The following ADCY8 variants were observed in gnomAD, a reference collection of about 807,000 sequenced individuals.
The protein encoded by ADCY8 is adenylate cyclase 8, also known as adenylate cyclase type 8.
Under a neutral mutation model 119.7 loss-of-function variants are expected in ADCY8, and 51 were observed. The ratio of observed to expected loss-of-function variants is 0.43; its 90% CI spans 0.34 to 0.54. The LOEUF (loss-of-function observed/expected upper bound fraction) is 0.54, where lower values mean the gene tolerates loss of function less well. Ranked by LOEUF, ADCY8 falls within the 20% of genes least tolerant of loss-of-function variation. ADCY8 has a pLI of 0.03. For synonymous variants in ADCY8, 665 were observed against 651.0 expected, an observed-to-expected ratio of 1.02 and a Z score of -0.33; for missense variants, 1,383 against 1,598.8, an observed-to-expected ratio of 0.87 and a Z score of 2.30.
At chr8:131,012,307 C>G (rs1329380369) in intron 1 of ADCY8, among the ~76,000 whole-genome samples, 1 of 152,174 alleles carries the variant, frequency 6.6e-6, no homozygotes, top group Non-Finnish European at 1.5e-5. Context: ...TGGGTCACAC[C>G]ACCAGGTAAA....
chr8:130,974,389 T>C (rs889613592), intron 2 of ADCY8, among the ~76,000 whole-genome samples: 1 of 152,186 alleles, frequency 6.6e-6, no homozygotes, highest in Non-Finnish European at 1.5e-5. Flanking sequence ...AGCCAAGACC[T>C]CCACATCTCT....
intron 1 of ADCY8, among the ~76,000 whole-genome samples, chr8:131,002,423 G>C (rs893758904): frequency 6.6e-6 from 1 of 152,190 alleles, no homozygotes; most frequent in Non-Finnish European, 1.5e-5. Flanking sequence ...AGGGATAAAA[G>C]AGGAAGAAAA....
chr8:130,780,652 AT>A lies in ADCY8; in HGVS notation c.3493del (p.Ile1165SerfsTer105). 6.2e-7 allele frequency: 1 copy of A among 1,614,058 alleles called. No homozygotes were observed. The highest frequency in any genetic ancestry group is 8.5e-7 in the Non-Finnish European group (1 of 1,180,004). On this transcript the variant is annotated frameshift_variant, in exon 18 of 18. Coordinates refer to ENST00000286355, the MANE Select transcript of ADCY8 (RefSeq NM_001115.3). LOFTEE classifies it high-confidence loss of function. The stretch of plus-strand genomic sequence containing the variant: ...TCTTCCCAGAAGAAAGTACGTTTTG[AT>A]TTTTCCTTCCTGTTCACTGATACCC... ...VKGISEQEGK[I>X]KTYFLLGRVQ... is the part of the protein sequence containing the mutation.
chr8:130,808,864 G>C (rs1816068027), intron 14 of ADCY8, among the ~76,000 whole-genome samples: 1 of 150,532 alleles, frequency 6.6e-6, no homozygotes, highest in Non-Finnish European at 1.5e-5. Context: ...CCAGCACCTG[G>C]GACAGCTGCC....
intron 14 of ADCY8, among the ~76,000 whole-genome samples, chr8:130,802,158 A>G (rs917860475): frequency 2.6e-5 from 4 of 152,126 alleles, no homozygotes; most frequent in African/African-American, 9.7e-5. Flanking sequence ...TCTTCTCTCC[A>G]ACTAAGCCTG....
chr8:130,904,778 C>T (rs920413379), intron 6 of ADCY8, among the ~76,000 whole-genome samples: 1 of 152,194 alleles, frequency 6.6e-6, no homozygotes, highest in Non-Finnish European at 1.5e-5. Flanking sequence ...AGCAAAATAA[C>T]ATATGACATC....
chr8:130,845,243 G>A (rs1817261480), intron 11 of ADCY8, among the ~76,000 whole-genome samples: 1 of 152,132 alleles, frequency 6.6e-6, no homozygotes, highest in Non-Finnish European at 1.5e-5. Context: ...GGGTTCAGGT[G>A]TTAGGTCAAG....
rs376396950 is a variant in ADCY8 at position 130,800,471 on chromosome 8, C to T, written c.3015G>A (p.Val1005=). ...YSQTEMNNQG[V]ECLRLLNEII... ...TCTCATTGAGCAAGCGCAGGCATTC[C>T]ACTCCCTGGTTATTCATTTCAGTCT... is the stretch of plus-strand genomic sequence containing the variant. The change falls in exon 15 of 18, where the codon GTG becomes GTA. Residue 1005 remains valine (V), a synonymous_variant. Coordinates refer to ENST00000286355, the MANE Select transcript of ADCY8 (RefSeq NM_001115.3). 7 of 1,614,160 alleles carry T rather than the reference C, an allele frequency of 4.3e-6. No individual in the cohort carries two copies. Among genetic ancestry groups the T allele is most frequent in the Non-Finnish European group, 5.1e-6 (6 of 1,180,038 alleles).
chr8:130,993,194 G>A (rs1490641540), intron 1 of ADCY8, among the ~76,000 whole-genome samples: 1 of 152,068 alleles, frequency 6.6e-6, no homozygotes, highest in African/African-American at 2.4e-5. Flanking sequence ...TTTGAAAAGG[G>A]CATTACTAGA....
rs560597375 is a variant in ADCY8 at position 130,842,763 on chromosome 8, T to C, written c.2502+4661A>G. On this transcript the variant is annotated intron_variant, in intron 11 of 17. Transcript: ENST00000286355. ...GGTGCATGCCTGTAGTCCCAGCTACTTGGGAGGTGGAGGCACAGGAATTGC... is the reference window on the plus strand; with the variant it reads ...GGTGCATGCCTGTAGTCCCAGCTACCTGGGAGGTGGAGGCACAGGAATTGC... Among the ~76,000 whole-genome samples the C allele has an allele frequency of 5.3e-5, 8 of 151,494 alleles. No individual in the cohort carries two copies. In the East Asian group the frequency reaches 1.6e-3, roughly 30 times the overall value.
chr8:130,904,571 C>T (rs891149895), intron 6 of ADCY8, among the ~76,000 whole-genome samples: 1 of 152,136 alleles, frequency 6.6e-6, no homozygotes, highest in African/African-American at 2.4e-5. Flanking sequence ...CTGATAAGTC[C>T]ATAGGGCTGC....
intron 2 of ADCY8, among the ~76,000 whole-genome samples, chr8:130,959,685 G>C (rs1453839190): frequency 6.6e-6 from 1 of 152,218 alleles, no homozygotes; most frequent in East Asian, 1.9e-4. Context: ...TAATTGAAGG[G>C]TGTGTATGCA....
chr8:130,824,223 A>G (rs969512185), intron 12 of ADCY8, among the ~76,000 whole-genome samples: 1 of 152,218 alleles, frequency 6.6e-6, no homozygotes, highest in South Asian at 2.1e-4. Context: ...GCTTGAATTT[A>G]TCTTTTATTC....
chr8:130,859,338 C>T (rs1435589967), intron 9 of ADCY8, among the ~76,000 whole-genome samples: 1 of 152,152 alleles, frequency 6.6e-6, no homozygotes, highest in Non-Finnish European at 1.5e-5. Flanking sequence ...ACTTCCATTC[C>T]AACAATGAGA....
chr8:130,960,942 A>G (rs2130682465), intron 2 of ADCY8, among the ~76,000 whole-genome samples: 1 of 152,254 alleles, frequency 6.6e-6, no homozygotes, highest in East Asian at 1.9e-4. Context: ...AGTCTCTATT[A>G]TGCCACTTAC....
intron 9 of ADCY8, among the ~76,000 whole-genome samples, chr8:130,862,114 T>C (rs1817951783): frequency 6.6e-6 from 1 of 152,182 alleles, no homozygotes; most frequent in Non-Finnish European, 1.5e-5. Context: ...TTTATGTTTA[T>C]GAGATATTGG....
At chr8:131,000,638 C>T (rs1052508886) in intron 1 of ADCY8, among the ~76,000 whole-genome samples, 2 of 152,108 alleles carry the variant, frequency 1.3e-5, no homozygotes, top group African/African-American at 4.8e-5. Context: ...AGTGGTAAAG[C>T]TGAGGTGTGA....
At chr8:130,978,753 C>A (rs1312859486) in intron 2 of ADCY8, among the ~76,000 whole-genome samples, 1 of 152,142 alleles carries the variant, frequency 6.6e-6, no homozygotes, top group African/African-American at 2.4e-5. Context: ...ATTCCGGCAC[C>A]TAACTCAGGA....
chr8:130,935,838 T>C (rs1406319459), intron 5 of ADCY8, among the ~76,000 whole-genome samples: 1 of 152,164 alleles, frequency 6.6e-6, no homozygotes, highest in Non-Finnish European at 1.5e-5. Context: ...TTACTGCAGG[T>C]GGGAAAACTT....
Sources: allele counts gnomAD v4.1 joint callset (sites outside exome capture counted in the v4.1 genomes callset), GRCh38; gene constraint gnomAD v4.1.1; transcripts MANE v1.5; gene names NCBI Gene and HGNC (gene_info 2026-07-23, HGNC 2026-07-21).